XPO7: variants seen among roughly 807,000 people sequenced by gnomAD.
XPO7 encodes exportin-7.
A neutral mutation model predicts 144.3 loss-of-function variants in XPO7; 21 were observed. The ratio of observed to expected loss-of-function variants is 0.15; its 90% CI spans 0.10 to 0.21. The LOEUF (loss-of-function observed/expected upper bound fraction) is 0.21, where lower values mean the gene tolerates loss of function less well. Ranked by LOEUF, XPO7 falls within the 10% of genes least tolerant of loss-of-function variation. XPO7 has a pLI of 1.00. For synonymous variants in XPO7, 580 were observed against 499.6 expected, an observed-to-expected ratio of 1.16 and a Z score of -2.15; for missense variants, 808 against 1,325.8, an observed-to-expected ratio of 0.61 and a Z score of 6.06.
intron 1 of XPO7, chr8:21,966,451 A>T (rs1403148500): frequency 8.5e-6 from 5 of 588,162 alleles, no homozygotes; most frequent in Non-Finnish European, 1.5e-5. Context: ...TGTGGTACTT[A>T]TATCATGTTT....
intron 1 of XPO7, among the ~76,000 whole-genome samples, chr8:21,963,649 C>T (rs527752738): frequency 1.3e-4 from 20 of 150,730 alleles, no homozygotes; most frequent in Non-Finnish European, 2.8e-4. Context: ...GAGCCGAGAT[C>T]ACATCACTGC....
chr8:21,953,113 C>T (rs35342845), intron 1 of XPO7, among the ~76,000 whole-genome samples: 8,491 of 142,776 alleles, frequency 0.059, 370 homozygotes, highest in Non-Finnish European at 0.087. Flanking sequence ...TTATTAACAA[C>T]TGAAGGTCAC....
At position 21,982,778 on chromosome 8, in the gene XPO7, A is replaced by G; in HGVS notation, c.1243A>G (p.Thr415Ala). 6.2e-7 allele frequency: 1 copy of G among 1,612,998 alleles called. No individual in the cohort carries two copies. The highest frequency in any genetic ancestry group is 8.5e-7 in the Non-Finnish European group (1 of 1,179,604). The change falls in exon 11 of 28, where the codon ACA becomes GCA. Residue 415 changes from threonine (T) to alanine (A), a missense_variant. This residue lies in a region of XPO7 where 416 missense variants were observed against 612.5 expected (regional missense o/e 0.68). Coordinates refer to ENST00000252512, the MANE Select transcript of XPO7 (RefSeq NM_015024.5). ...TCCTGAGGTCACCAAAGCCTACATC[A>G]CATCCCGGTTGGAATCTGTGCACAT... ...YTPEVTKAYI[T>A]SRLESVHIIL... is the part of the protein sequence containing the mutation.
intron 1 of XPO7, among the ~76,000 whole-genome samples, chr8:21,963,855 T>C (rs1811804558): frequency 6.6e-6 from 1 of 152,236 alleles, no homozygotes; most frequent in Admixed American, 6.5e-5. Flanking sequence ...AGACAAATTA[T>C]TATATTCTAA....
intron 1 of XPO7, among the ~76,000 whole-genome samples, chr8:21,956,178 G>A (rs1428081494): frequency 6.6e-6 from 1 of 152,048 alleles, no homozygotes; most frequent in Non-Finnish European, 1.5e-5. Context: ...TTCCTTCCTT[G>A]GCTAAGTATA....
chr8:21,935,926 T>A (rs1206013188), intron 1 of XPO7, among the ~76,000 whole-genome samples: 1 of 152,196 alleles, frequency 6.6e-6, no homozygotes, highest in Non-Finnish European at 1.5e-5. Context: ...TTGCCACTAT[T>A]CTGTCCCTTG....
chr8:21,922,150 T>A (rs1810309858), intron 1 of XPO7, among the ~76,000 whole-genome samples: 1 of 152,124 alleles, frequency 6.6e-6, no homozygotes, highest in Admixed American at 6.5e-5. Context: ...AATAGTCGAG[T>A]CATTATGTTA....
At chr8:21,946,578 A>AAG (rs1811195215) in intron 1 of XPO7, among the ~76,000 whole-genome samples, 1 of 97,486 alleles carries the variant, frequency 1.0e-5, no homozygotes, top group Non-Finnish European at 2.1e-5. Context: ...AGAACTGAAA[A>AAG]AAAAAAACAA....
At chr8:22,000,306 G>A (rs772555947) in intron 24 of XPO7, among the ~76,000 whole-genome samples, 10 of 152,126 alleles carry the variant, frequency 6.6e-5, no homozygotes, top group East Asian at 1.9e-4. Context: ...AAGGGGGCCC[G>A]CCTGTAAGCC....
Position 21,981,870 on chromosome 8 carries a change from G to C in XPO7, c.1097G>C (p.Ser366Thr). Reference sequence around the variant, plus strand: ...TTGATAGCCAACTTCACAGTGACCAGCCTACAGGTTTGTCTTTGATTACTT... The same window carrying C: ...TTGATAGCCAACTTCACAGTGACCACCCTACAGGTTTGTCTTTGATTACTT... The part of the protein sequence containing the change: ...IRLIANFTVT[S>T]LQHWEFAPNS... The change falls in exon 10 of 28, where the codon AGC becomes ACC. Residue 366 changes from serine to threonine, a missense_variant. Transcript: ENST00000252512. 6.2e-7 allele frequency: 1 copy of C among 1,613,594 alleles called. No homozygotes were observed. Among genetic ancestry groups the C allele is most frequent in the Non-Finnish European group, 8.5e-7 (1 of 1,179,534 alleles).
At chr8:21,966,617 C>T (rs1320453340) in intron 1 of XPO7, among the ~76,000 whole-genome samples, 1 of 123,282 alleles carries the variant, frequency 8.1e-6, no homozygotes, top group African/African-American at 3.6e-5. Context: ...ATGATTGATC[C>T]TCAAGGGAAT....
chr8:21,999,408 A>G (rs1052430455), intron 23 of XPO7, 103 bp downstream of exon 23: 26 of 1,573,052 alleles, frequency 1.7e-5, no homozygotes, highest in Non-Finnish European at 2.1e-5. Flanking sequence ...TATGTAAGCT[A>G]GCTCCTTTTG....
At chr8:21,949,479 T>C (rs1313429537) in intron 1 of XPO7, among the ~76,000 whole-genome samples, 1 of 152,240 alleles carries the variant, frequency 6.6e-6, no homozygotes, top group Non-Finnish European at 1.5e-5. Flanking sequence ...GAAATTCTTT[T>C]TATGCATTAA....
intron 11 of XPO7, among the ~76,000 whole-genome samples, chr8:21,983,790 A>G (rs193025760): frequency 3.4e-4 from 52 of 152,366 alleles, no homozygotes; most frequent in African/African-American, 1.2e-3. Context: ...CAAGGATTAA[A>G]TTAATATGAC....
intron 1 of XPO7, among the ~76,000 whole-genome samples, chr8:21,941,324 A>AT (rs906368840): frequency 8.1e-5 from 12 of 148,820 alleles, no homozygotes; most frequent in Admixed American, 2.7e-4. Context: ...AGTTAAGAAA[A>AT]TTTTTTTTTT....
At chr8:21,957,493 T>C (rs1178743238) in intron 1 of XPO7, among the ~76,000 whole-genome samples, 1 of 152,224 alleles carries the variant, frequency 6.6e-6, no homozygotes, top group Non-Finnish European at 1.5e-5. Context: ...TTGATTTTTC[T>C]GTATCCCAAA....
At chr8:21,932,751 CA>C (rs1393204519) in intron 1 of XPO7, among the ~76,000 whole-genome samples, 20 of 151,990 alleles carry the variant, frequency 1.3e-4, no homozygotes, top group African/African-American at 2.7e-4. Context: ...GTCAGTAGGC[CA>C]GGGGGGATGC....
At chr8:21,997,844 TG>T (rs759171457) in intron 21 of XPO7, among the ~76,000 whole-genome samples, 3 of 151,700 alleles carry the variant, frequency 2.0e-5, no homozygotes, top group Admixed American at 6.6e-5. Flanking sequence ...TTCAGTGTGG[TG>T]GGGGGGAGGA....
intron 1 of XPO7, among the ~76,000 whole-genome samples, chr8:21,938,828 A>G (rs1810900472): frequency 6.6e-6 from 1 of 152,174 alleles, no homozygotes; most frequent in Non-Finnish European, 1.5e-5. Context: ...CTATCTCAAG[A>G]TCCCAGATTG....
Sources: allele counts gnomAD v4.1 joint callset (sites outside exome capture counted in the v4.1 genomes callset), GRCh38; gene constraint gnomAD v4.1.1; regional missense constraint gnomAD v4.1.1; transcripts MANE v1.5; gene names NCBI Gene and HGNC (gene_info 2026-07-23, HGNC 2026-07-21).